KCNAB1: variants seen among roughly 807,000 people sequenced by gnomAD.
KCNAB1 encodes the protein potassium voltage-gated channel subfamily A regulatory beta subunit 1, also known as voltage-gated potassium channel subunit beta-1.
A neutral mutation model predicts 64.6 loss-of-function variants in KCNAB1; 35 were observed. That is an observed-to-expected ratio of 0.54 (90% CI 0.41 to 0.72). KCNAB1 has a LOEUF of 0.72. Among genes scored for constraint, KCNAB1 ranks in the 30% least tolerant of loss-of-function variants. The pLI is 0.00. For missense variants in KCNAB1, 401 were observed against 512.9 expected (o/e 0.78, Z 2.11); for synonymous variants, 177 against 183.8 (o/e 0.96, Z 0.30).
At position 156,439,722 on chromosome 3, in the gene KCNAB1, T is replaced by A. The variant is rs140917608; in HGVS notation, c.320-13177T>A. ...AGACGAGATCTTTGCTCTCCAGGAG[T>A]GCCCTCTGGGAACATTTCCCTCGTT... is the stretch of plus-strand genomic sequence containing the variant. On this transcript the variant is annotated intron_variant, in intron 2 of 13. Transcript: ENST00000490337. 6.6e-5 allele frequency among the ~76,000 whole-genome samples: 10 copies of A among 152,162 alleles called. No homozygotes were observed. In the East Asian group the frequency reaches 1.7e-3, roughly 26 times the overall value.
In KCNAB1 at chr3:156,143,569, G is replaced by GT. The variant is rs56216211; in HGVS notation, c.275+22711dup. ...AGCCCTCTTCTTGGGTTGCATTCTT[G>GT]TTTTTTTTTTTTTTTTTTTTTTTTT... On this transcript the variant is annotated intron_variant, in intron 1 of 13. Coordinates refer to ENST00000490337, the MANE Select transcript of KCNAB1 (RefSeq NM_172160.3). 1,842 of 296,054 alleles carry GT rather than the reference G, an allele frequency of 6.2e-3. 60 individuals are homozygous for GT. Among genetic ancestry groups the GT allele is most frequent in the South Asian group, 0.026 (177 of 6,758 alleles). The allele number at this position is 296,054 out of a possible 1,614,324, so 18.3% of individuals were successfully genotyped here. A position where few individuals can be genotyped will look rare whatever the true frequency, so the allele number is the denominator to read the frequency against.
In KCNAB1 at chr3:156,516,113, T is replaced by G. The variant is rs16826358; in HGVS notation, c.866-157T>G. ...GAAACACAATTTGTAAGCTCCTAAA[T>G]TGTAATGGAAAAAAATGCATGCTGA... On this transcript the variant is annotated intron_variant, in intron 10 of 13. Transcript: ENST00000490337. Among the ~76,000 whole-genome samples the G allele has an allele frequency of 5.5e-3, 821 of 147,998 alleles. 9 individuals are homozygous for G. Among genetic ancestry groups the G allele is most frequent in the African/African-American group, 0.021 (771 of 37,440 alleles).
chr3:156,164,324 A>G (rs1716247142), intron 1 of KCNAB1, among the ~76,000 whole-genome samples: 1 of 152,180 alleles, frequency 6.6e-6, no homozygotes, highest in African/African-American at 2.4e-5. Flanking sequence ...CATTCTGTAT[A>G]CAAGCAGAGA....
chr3:156,120,918 G>T, intron 1 of KCNAB1, 32 bp downstream of exon 1: 1 of 1,606,622 alleles, frequency 6.2e-7, no homozygotes, highest in South Asian at 1.1e-5. Flanking sequence ...CGGGCTTTGG[G>T]AGACGCCGTT....
chr3:156,150,839 G>C (rs1046856771), intron 1 of KCNAB1, among the ~76,000 whole-genome samples: 1 of 152,178 alleles, frequency 6.6e-6, no homozygotes, highest in African/African-American at 2.4e-5. Flanking sequence ...GGTAAGACCA[G>C]CATATTCCTA....
At chr3:156,337,431 T>C (rs1296967328) in intron 1 of KCNAB1, among the ~76,000 whole-genome samples, 1 of 152,220 alleles carries the variant, frequency 6.6e-6, no homozygotes, top group East Asian at 1.9e-4. Flanking sequence ...TCCTCATTCC[T>C]TATTCTCTCA....
chr3:156,257,912 C>T (rs1054718402), intron 1 of KCNAB1, among the ~76,000 whole-genome samples: 1 of 152,128 alleles, frequency 6.6e-6, no homozygotes, highest in African/African-American at 2.4e-5. Flanking sequence ...GACAGAATAA[C>T]AACAGAATAG....
chr3:156,126,849 T>C lies in KCNAB1; in HGVS notation c.275+5963T>C, dbSNP rs567907252. On this transcript the variant is annotated intron_variant, in intron 1 of 13. Coordinates refer to ENST00000490337, the MANE Select transcript of KCNAB1 (RefSeq NM_172160.3). ...CTCAAGTGACTTAAGTAAGTATAGC[T>C]CACAGAACAGCAGTGGGCACATATA... Among the ~76,000 whole-genome samples the C allele has an allele frequency of 3.6e-3, 546 of 152,298 alleles. 8 individuals are homozygous for C. The highest frequency in any genetic ancestry group is 0.011 in the African/African-American group (463 of 41,552).
chr3:156,463,789 A>C, intron 6 of KCNAB1, 43 bp downstream of exon 6: 2 of 1,485,950 alleles, frequency 1.3e-6, no homozygotes, highest in African/African-American at 1.4e-5. Flanking sequence ...CTAGTAGTTC[A>C]TGCTTTTTTG....
rs3772267 is a variant in KCNAB1, at chr3:156,462,577, G to T, written c.483-1125G>T. Among the ~76,000 whole-genome samples the T allele has an allele frequency of 0.012, 1,820 of 152,240 alleles. 63 individuals carry two copies. The East Asian group carries it at 0.12, about 10-fold the overall frequency. ...ACTTTTGGGGGGATTCACTTCAGTG[G>T]GATGGGGCTGCTAACATTTTCAACA... On this transcript the variant is annotated intron_variant, in intron 5 of 13. Coordinates refer to ENST00000490337, the MANE Select transcript of KCNAB1 (RefSeq NM_172160.3).
chr3:156,125,876 A>G (rs1713625619), intron 1 of KCNAB1, among the ~76,000 whole-genome samples: 1 of 152,204 alleles, frequency 6.6e-6, no homozygotes. Context: ...ATCTTAATTG[A>G]TGCAAGAAGT....
intron 3 of KCNAB1, chr3:156,453,251 T>C (rs1249440095): frequency 4.8e-6 from 1 of 206,356 alleles, no homozygotes; most frequent in Non-Finnish European, 9.6e-6. Flanking sequence ...TTTATTTGTT[T>C]GTTTACTTTT....
chr3:156,488,042 C>G (rs1715338307), intron 8 of KCNAB1, among the ~76,000 whole-genome samples: 1 of 152,080 alleles, frequency 6.6e-6, no homozygotes. Flanking sequence ...ATATAGTACT[C>G]AGATGACCCA....
chr3:156,180,293 T>C (rs1677817122), intron 1 of KCNAB1, among the ~76,000 whole-genome samples: 1 of 152,216 alleles, frequency 6.6e-6, no homozygotes, highest in African/African-American at 2.4e-5. Context: ...AAGTAAATGG[T>C]GGAGCCAAGC....
chr3:156,237,167 T>C (rs1716900919), intron 1 of KCNAB1, among the ~76,000 whole-genome samples: 1 of 152,218 alleles, frequency 6.6e-6, no homozygotes. Context: ...TAAATCATTT[T>C]CTTTGAATTA....
At chr3:156,421,786 G>A in intron 2 of KCNAB1, 127 bp downstream of exon 2, 1 of 716,996 alleles carries the variant, frequency 1.4e-6, no homozygotes, top group Non-Finnish European at 2.4e-6. Context: ...GGCCAGTATT[G>A]CCCCACTTCT....
chr3:156,197,734 C>A (rs1327748696), intron 1 of KCNAB1, among the ~76,000 whole-genome samples: 1 of 151,968 alleles, frequency 6.6e-6, no homozygotes, highest in Admixed American at 6.6e-5. Flanking sequence ...TTAATCTTTT[C>A]AAAAAACCAG....
intron 1 of KCNAB1, among the ~76,000 whole-genome samples, chr3:156,354,422 A>C (rs1203084593): frequency 1.3e-5 from 2 of 151,790 alleles, no homozygotes; most frequent in African/African-American, 4.8e-5. Context: ...CGGCCTCCCA[A>C]AGTGCTGGGA....
intron 1 of KCNAB1, among the ~76,000 whole-genome samples, chr3:156,202,683 A>G (rs1174731832): frequency 1.3e-5 from 2 of 152,150 alleles, no homozygotes; most frequent in African/African-American, 4.8e-5. Context: ...TTATAATGTC[A>G]ACAGTTTTTT....
Sources: gnomAD v4.1 joint callset for allele counts (sites outside exome capture counted in the v4.1 genomes callset) on GRCh38, gnomAD v4.1.1 for gene constraint, MANE v1.5 for transcripts, NCBI Gene and HGNC (gene_info 2026-07-23, HGNC 2026-07-21) for gene names.